The following MTFR1 variants were observed in gnomAD, a reference collection of about 807,000 sequenced individuals.
MTFR1 encodes chondrocyte protein with a poly-proline region.
In MTFR1, 28 loss-of-function variants were observed where a neutral mutation model predicts 38.8. The ratio of observed to expected loss-of-function variants is 0.72; its 90% CI spans 0.53 to 0.99. The LOEUF (loss-of-function observed/expected upper bound fraction) is 0.99, where lower values mean the gene tolerates loss of function less well. MTFR1 is among the 50% of genes least tolerant of loss of function. The probability of loss-of-function intolerance (pLI) is 0.00; values close to 1 mark genes in which losing one functional copy is unlikely to be tolerated. For synonymous variants in MTFR1, 145 were observed against 137.0 expected, an observed-to-expected ratio of 1.06 and a Z score of -0.41; for missense variants, 358 against 395.5, an observed-to-expected ratio of 0.91 and a Z score of 0.81.
chr8:65,735,201 C>T (rs754909799), intron 3 of MTFR1, among the ~76,000 whole-genome samples: 10 of 152,288 alleles, frequency 6.6e-5, no homozygotes, highest in African/African-American at 9.6e-5. Flanking sequence ...CAAAGGAAAG[C>T]GAGCCTACCT....
In MTFR1 at chr8:65,736,035, A is replaced by G. The variant is rs148946163; in HGVS notation, c.*48+16554A>G. 3.7e-3 allele frequency among the ~76,000 whole-genome samples: 556 copies of G among 152,288 alleles called. 5 individuals carry two copies. Among genetic ancestry groups the G allele is most frequent in the African/African-American group, 0.013 (537 of 41,546 alleles). On this transcript the variant is annotated intron_variant, in intron 3 of 3. Coordinates refer to the MTFR1 transcript ENST00000521247. Reference sequence around the variant, plus strand: ...GAAACCACAGATAGTACCAAACCCTATTTATACTATGTTTTTCCTATACAA... The same window carrying G: ...GAAACCACAGATAGTACCAAACCCTGTTTATACTATGTTTTTCCTATACAA...
At chr8:65,708,458 T>C in intron 7 of MTFR1, 1 of 297,206 alleles carries the variant, frequency 3.4e-6, no homozygotes, top group Middle Eastern at 1.2e-3. Context: ...CCTGTGAAAG[T>C]CTTCTGAAGA....
chr8:65,758,251 A>AC (rs35677611), intron 3 of MTFR1, among the ~76,000 whole-genome samples: 43 of 152,310 alleles, frequency 2.8e-4, no homozygotes, highest in African/African-American at 1.0e-3. Context: ...TGAAGGCACA[A>AC]CCCACCCCCA....
chr8:65,647,608 C>T (rs1039963244), intron 1 of MTFR1, among the ~76,000 whole-genome samples: 73 of 152,286 alleles, frequency 4.8e-4, no homozygotes, highest in African/African-American at 1.7e-3. Flanking sequence ...CCATGTCTGG[C>T]CTATAGTACG....
intron 4 of MTFR1, 68 bp from the exon 5 acceptor site, chr8:65,704,626 C>T (rs1050075487): frequency 7.8e-7 from 1 of 1,275,044 alleles, no homozygotes; most frequent in African/African-American, 1.5e-5. Context: ...GATACACTGT[C>T]AGGTGAGGAT....
At chr8:65,775,871 C>G (rs1271052342), downstream of MTFR1, among the ~76,000 whole-genome samples, 1 of 152,142 alleles carries the variant, frequency 6.6e-6, no homozygotes, top group Admixed American at 6.5e-5. Context: ...TCAGGTGATC[C>G]ACCTGCCTCG....
chr8:65,739,145 T>C (rs1807287314), intron 3 of MTFR1, among the ~76,000 whole-genome samples: 1 of 152,206 alleles, frequency 6.6e-6, no homozygotes, highest in Non-Finnish European at 1.5e-5. Context: ...TCTTTTTTGT[T>C]TTTAATGTAA....
chr8:65,670,697 T>A (rs1804544495), intron 2 of MTFR1, among the ~76,000 whole-genome samples: 1 of 148,926 alleles, frequency 6.7e-6, no homozygotes, highest in South Asian at 2.1e-4. Flanking sequence ...ATAATTTGAA[T>A]GTGGGTATAC....
At chr8:65,701,599 C>G (rs926527420) in intron 4 of MTFR1, among the ~76,000 whole-genome samples, 1 of 152,140 alleles carries the variant, frequency 6.6e-6, no homozygotes, top group African/African-American at 2.4e-5. Flanking sequence ...TTTTCCTTAT[C>G]CTAGGATGCT....
intron 3 of MTFR1, among the ~76,000 whole-genome samples, chr8:65,756,482 T>C (rs913737962): frequency 6.6e-6 from 1 of 152,150 alleles, no homozygotes; most frequent in Middle Eastern, 3.2e-3. Flanking sequence ...TGAATTATCT[T>C]GCCTTCAAGT....
chr8:65,661,309 G>A (rs1305097441), intron 1 of MTFR1, among the ~76,000 whole-genome samples: 1 of 152,210 alleles, frequency 6.6e-6, no homozygotes, highest in Non-Finnish European at 1.5e-5. Flanking sequence ...GCCCAATTAA[G>A]AAATCTGTAC....
At chr8:65,700,380 A>C (rs554280406) in intron 4 of MTFR1, among the ~76,000 whole-genome samples, 53 of 151,478 alleles carry the variant, frequency 3.5e-4, no homozygotes, top group African/African-American at 1.2e-3. Context: ...AAAAGAAAAC[A>C]AAAAAAAGGG....
intron 3 of MTFR1, among the ~76,000 whole-genome samples, chr8:65,757,195 C>G (rs982640137): frequency 6.6e-6 from 1 of 152,140 alleles, no homozygotes; most frequent in East Asian, 1.9e-4. Flanking sequence ...AGAGTCCTGC[C>G]TTGGGGCAGG....
intron 4 of MTFR1, 64 bp downstream of exon 4, chr8:65,693,823 T>A: frequency 2.4e-6 from 3 of 1,254,360 alleles, no homozygotes; most frequent in Non-Finnish European, 3.5e-6. Flanking sequence ...TGATATTATT[T>A]GCAGTACTTA....
chr8:65,709,970 G>A lies in MTFR1; in HGVS notation c.*926G>A, dbSNP rs1240559516. The A allele has an allele frequency of 6.6e-6, 1 of 152,366 alleles. No homozygotes were observed. Among genetic ancestry groups the A allele is most frequent in the African/African-American group, 2.4e-5 (1 of 41,396 alleles). 9.4% of individuals were successfully genotyped at this position (152,366 alleles called of 1,614,324 possible). A position where few individuals can be genotyped will look rare whatever the true frequency, so the allele number is the denominator to read the frequency against. On this transcript the variant is annotated 3_prime_UTR_variant, in exon 8 of 8. Transcript: ENST00000262146. ...AATGAATTTCCTATAAATTATCATT[G>A]GTCAGAATGCTGTTTTGTTTAATAA...
At chr8:65,680,413 C>T (rs1804844831) in intron 2 of MTFR1, among the ~76,000 whole-genome samples, 1 of 152,160 alleles carries the variant, frequency 6.6e-6, no homozygotes, top group African/African-American at 2.4e-5. Context: ...GATCCTCCTA[C>T]CTCAGCCTCC....
At chr8:65,735,367 G>A (rs2128897949) in intron 3 of MTFR1, among the ~76,000 whole-genome samples, 1 of 151,794 alleles carries the variant, frequency 6.6e-6, no homozygotes, top group South Asian at 2.1e-4. Context: ...GGAGTGCAGT[G>A]ACATGATCAT....
At chr8:65,761,097 T>C (rs1321759448) in intron 3 of MTFR1, among the ~76,000 whole-genome samples, 2 of 151,998 alleles carry the variant, frequency 1.3e-5, no homozygotes, top group East Asian at 3.8e-4. Context: ...TCTCGCCCTG[T>C]GGCGTAGGCT....
chr8:65,650,631 C>T (rs1036316934), intron 1 of MTFR1, among the ~76,000 whole-genome samples: 1 of 152,174 alleles, frequency 6.6e-6, no homozygotes, highest in African/African-American at 2.4e-5. Flanking sequence ...GACAGGATCC[C>T]ATTCTTTTTA....
Sources: gnomAD v4.1 joint callset for allele counts (sites outside exome capture counted in the v4.1 genomes callset) on GRCh38, gnomAD v4.1.1 for gene constraint, MANE v1.5 for transcripts, NCBI Gene and HGNC (gene_info 2026-07-23, HGNC 2026-07-21) for gene names.